Variants in POLN observed in about 807,000 individuals in gnomAD.
POLN encodes DNA polymerase N.
POLN carries 108 observed loss-of-function variants against 113.5 expected under a neutral mutation model. The observed-to-expected ratio is 0.95, with a 90% CI of 0.81 to 1.12. The LOEUF is 1.12. Among genes scored for constraint, POLN ranks in the 50% most tolerant of loss-of-function variants. The pLI is 0.00. For synonymous variants in POLN, 386 were observed against 391.5 expected (o/e 0.99, Z 0.17); for missense variants, 1,097 against 1,077.1 (o/e 1.02, Z -0.26).
At chr4:2,186,442 T>A (rs1384741259) in intron 7 of POLN, among the ~76,000 whole-genome samples, 1 of 152,158 alleles carries the variant, frequency 6.6e-6, no homozygotes, top group Non-Finnish European at 1.5e-5. Context: ...AACTCCCGGC[T>A]AGCCTTCCCA....
chr4:2,193,507 C>T (rs1381195047), intron 6 of POLN, among the ~76,000 whole-genome samples, 191 bp from the exon 7 acceptor site: 1 of 152,074 alleles, frequency 6.6e-6, no homozygotes, highest in African/African-American at 2.4e-5. Context: ...CACAGAGAGA[C>T]GAGATAAGGT....
In POLN at chr4:2,197,452, G is replaced by C. The variant is rs111237456; in HGVS notation, c.908+1072C>G. Among the ~76,000 whole-genome samples the C allele has an allele frequency of 2.4e-3, 364 of 152,304 alleles. 1 individual carries two copies. Among genetic ancestry groups the C allele is most frequent in the African/African-American group, 8.4e-3 (347 of 41,552 alleles). ...CCAGGACTTTTTGCCTAAGCTCATG[G>C]AGGGCTGACACTGACTAAGACAGCC... On this transcript the variant is annotated intron_variant, in intron 6 of 25. Transcript: ENST00000511885.
At chr4:2,079,523 CACGTGTGTGT>C in intron 23 of POLN, 1 of 985,680 alleles carries the variant, frequency 1.0e-6, no homozygotes, top group Non-Finnish European at 1.2e-6. Context: ...CGTGTGTGTG[CACGTGTGTGT>C]TGGGAATGAA....
In POLN at chr4:2,159,230, A is replaced by T; in HGVS notation, c.1555-19T>A. On this transcript the variant is annotated intron_variant, in intron 13 of 25. Transcript: ENST00000511885. ...CATTTAACTAAACATGAAAATAGATACTACCAATGTAATTCGTCCATTTTA... is the reference window on the plus strand; with the variant it reads ...CATTTAACTAAACATGAAAATAGATTCTACCAATGTAATTCGTCCATTTTA... The T allele has an allele frequency of 6.4e-7, 1 of 1,570,120 alleles. No individual in the cohort carries two copies. Among genetic ancestry groups the T allele is most frequent in the African/African-American group, 1.4e-5 (1 of 73,792 alleles).
intron 5 of POLN, among the ~76,000 whole-genome samples, chr4:2,203,315 T>A (rs1577768338): frequency 1.3e-5 from 2 of 151,836 alleles, no homozygotes; most frequent in African/African-American, 4.8e-5. Context: ...GGCGCGGTGG[T>A]TCACGCCTGT....
chr4:2,136,922 CA>C (rs1401744541), intron 16 of POLN, among the ~76,000 whole-genome samples: 5 of 152,248 alleles, frequency 3.3e-5, no homozygotes, highest in Non-Finnish European at 7.3e-5. Context: ...AGCCTGAGGG[CA>C]TGCTGGCTCT....
At chr4:2,109,654 T>C (rs1455071419) in intron 19 of POLN, among the ~76,000 whole-genome samples, 1 of 152,188 alleles carries the variant, frequency 6.6e-6, no homozygotes, top group Non-Finnish European at 1.5e-5. Flanking sequence ...CCAGCAACAT[T>C]TTTTCTTTTG....
intron 7 of POLN, among the ~76,000 whole-genome samples, chr4:2,192,432 T>C (rs1407027085): frequency 2.0e-5 from 3 of 151,972 alleles, no homozygotes; most frequent in Admixed American, 6.6e-5. Flanking sequence ...CTCCACCTCC[T>C]GGGCTCAAGC....
rs765518897 is a variant in POLN at position 2,091,761 on chromosome 4, CTGTGTG to C, written c.2065+4084_2065+4089del. On this transcript the variant is annotated intron_variant, in intron 20 of 25. Transcript: ENST00000511885. ...CCCTATCCGGTGGGTACACGTGAAT[CTGTGTG>C]TGTGTGTGTGTGTGTGTGTGTGTGT... is the stretch of plus-strand genomic sequence containing the variant. Among the ~76,000 whole-genome samples, 519 of 145,200 alleles carry C rather than the reference CTGTGTG, an allele frequency of 3.6e-3. 3 individuals are homozygous for C. The highest frequency in any genetic ancestry group is 0.012 in the African/African-American group (485 of 38,940).
rs536121635 is a variant in POLN at position 2,129,663 on chromosome 4, T to G, written c.1790-407A>C. Among the ~76,000 whole-genome samples the G allele has an allele frequency of 3.9e-5, 6 of 152,338 alleles. No individual in the cohort carries two copies. In the South Asian group the frequency reaches 1.2e-3, roughly 32 times the overall value. ...CCTTGGCCTCTCAAAGTGCTAAGAT[T>G]ACAGGTGTGAGCCATGGCGCCTGGC... On this transcript the variant is annotated intron_variant, in intron 17 of 25. Coordinates refer to ENST00000511885, the MANE Select transcript of POLN (RefSeq NM_181808.4).
chr4:2,099,488 ACAAAATACCTGAC>A (rs1407017886), intron 19 of POLN, among the ~76,000 whole-genome samples: 1 of 152,228 alleles, frequency 6.6e-6, no homozygotes, highest in Non-Finnish European at 1.5e-5. Flanking sequence ...GGGACATTCT[ACAAAATACCTGAC>A]CAGTCCTCCT....
At chr4:2,079,891 G>C in intron 23 of POLN, 3 of 985,572 alleles carry the variant, frequency 3.0e-6, no homozygotes, top group Non-Finnish European at 3.6e-6. Flanking sequence ...AGCCGAGAGT[G>C]AATCTTCTAA....
Position 2,193,171 on chromosome 4 carries a change from T to C in POLN, c.1021+33A>G, listed in dbSNP as rs1468446823. ...ATAGGAGGAGTCACAGTTGAAGAGT[T>C]AAATTATAGAGAGAATAAAAAATAT... On this transcript the variant is annotated intron_variant, in intron 7 of 25. Transcript: ENST00000511885. 6 of 1,481,912 alleles carry C rather than the reference T, an allele frequency of 4.0e-6. No individual in the cohort carries two copies. The South Asian group carries it at 7.0e-5, about 17-fold the overall frequency. The allele number at this position is 1,481,912 out of a possible 1,614,324, so 91.8% of individuals were successfully genotyped here.
intron 3 of POLN, among the ~76,000 whole-genome samples, chr4:2,217,937 T>C (rs1323377145): frequency 6.6e-6 from 1 of 152,246 alleles, no homozygotes; most frequent in Non-Finnish European, 1.5e-5. Context: ...AATGGTTATG[T>C]GGTTAACCAC....
At chr4:2,101,976 G>C (rs777784290) in intron 19 of POLN, among the ~76,000 whole-genome samples, 2 of 152,266 alleles carry the variant, frequency 1.3e-5, no homozygotes, top group Admixed American at 1.3e-4. Context: ...CAGCTGGGAT[G>C]GGGGAGGATG....
chr4:2,111,583 T>G (rs1731194756), intron 19 of POLN, among the ~76,000 whole-genome samples: 1 of 152,118 alleles, frequency 6.6e-6, no homozygotes, highest in Non-Finnish European at 1.5e-5. Context: ...ACAAGCATTC[T>G]TATACACCAA....
chr4:2,168,319 G>GCT (rs1331701370), intron 13 of POLN, among the ~76,000 whole-genome samples: 10 of 152,192 alleles, frequency 6.6e-5, no homozygotes, highest in Non-Finnish European at 1.3e-4. Flanking sequence ...GAGCCACAAC[G>GCT]CTCACCAAGG....
intron 16 of POLN, among the ~76,000 whole-genome samples, chr4:2,133,942 A>G (rs1731789654): frequency 6.6e-6 from 1 of 152,206 alleles, no homozygotes; most frequent in Non-Finnish European, 1.5e-5. Flanking sequence ...GCTATCCACC[A>G]TCATAGTATC....
At position 2,163,027 on chromosome 4, in the gene POLN, C is replaced by CAAA. The variant is rs66769262; in HGVS notation, c.1555-3819_1555-3817dup. Among the ~76,000 whole-genome samples, 197 of 66,390 alleles carry CAAA rather than the reference C, an allele frequency of 3.0e-3. 5 individuals carry two copies. The highest frequency in any genetic ancestry group is 6.3e-3 in the African/African-American group (115 of 18,114). The allele number at this position is 66,390 out of a possible 152,430, so 43.6% of individuals were successfully genotyped here. A position where few individuals can be genotyped will look rare whatever the true frequency, so the allele number is the denominator to read the frequency against. The stretch of plus-strand genomic sequence containing the variant: ...TGAGAATCAATTTTTCAGTTCCTAC[C>CAAA]AAAAAAAAAAAAAAAAAAAAAAAAC... On this transcript the variant is annotated intron_variant, in intron 13 of 25. Coordinates refer to ENST00000511885, the MANE Select transcript of POLN (RefSeq NM_181808.4).
Sources: gnomAD v4.1 joint callset for allele counts (sites outside exome capture counted in the v4.1 genomes callset) on GRCh38, gnomAD v4.1.1 for gene constraint, MANE v1.5 for transcripts, NCBI Gene and HGNC (gene_info 2026-07-23, HGNC 2026-07-21) for gene names.